The following FBLN7 variants were observed in gnomAD, a reference collection of about 807,000 sequenced individuals.
FBLN7 encodes fibulin 7.
A neutral mutation model predicts 44.0 loss-of-function variants in FBLN7; 31 were observed. The observed-to-expected ratio is 0.70, with a 90% CI of 0.53 to 0.95. The LOEUF (loss-of-function observed/expected upper bound fraction) is 0.95. Among genes scored for constraint, FBLN7 ranks in the 40% least tolerant of loss-of-function variants. The pLI is 0.00. For synonymous variants in FBLN7, 262 were observed against 253.4 expected (o/e 1.03, Z -0.32); for missense variants, 573 against 618.5 (o/e 0.93, Z 0.78).
chr2:112,146,023 A>G (rs1051267611), intron 1 of FBLN7, among the ~76,000 whole-genome samples: 24 of 152,240 alleles, frequency 1.6e-4, no homozygotes, highest in Non-Finnish European at 5.9e-5. Context: ...GTCTATGCCT[A>G]TAAGAAATTC....
Position 112,159,802 on chromosome 2 carries a change from T to C in FBLN7, c.202T>C (p.Ser68Pro), listed in dbSNP as rs1193641240. The C allele has an allele frequency of 3.2e-6, 5 of 1,583,620 alleles. No individual in the cohort carries two copies. The highest frequency in any genetic ancestry group is 1.7e-6 in the Non-Finnish European group (2 of 1,166,226). The change falls in exon 2 of 8, where the codon TCT becomes CCT. Residue 68 changes from serine (S) to proline (P), a missense_variant. Transcript: ENST00000331203. Reference sequence around the variant, plus strand: ...GAGCCGGCTGGCCGCGCTGCAGAACTCTGTGGGCAGGGTGGGCCCAGATGC... The same window carrying C: ...GAGCCGGCTGGCCGCGCTGCAGAACCCTGTGGGCAGGGTGGGCCCAGATGC... ...MKSRLAALQN[S>P]VGRVGPDALP...
At chr2:112,181,945 A>G in intron 5 of FBLN7, 69 bp downstream of exon 5, 1 of 1,477,850 alleles carries the variant, frequency 6.8e-7, no homozygotes, top group East Asian at 2.7e-5. Context: ...AGGGGCTCTC[A>G]CCCACCGCCC....
At chr2:112,198,174 T>C in the FBLN7 span, among the ~76,000 whole-genome samples, 1 of 152,218 alleles carries the variant, frequency 6.6e-6, no homozygotes, top group African/African-American at 2.4e-5. Flanking sequence ...CAGCAGCTGA[T>C]TCGGCTCTTA....
chr2:112,207,130 A>G, the FBLN7 span, among the ~76,000 whole-genome samples: 1 of 152,172 alleles, frequency 6.6e-6, no homozygotes, highest in African/African-American at 2.4e-5. Context: ...TTATGACCCA[A>G]GATATGGTTT....
At chr2:112,231,897 C>T in the FBLN7 span, 2 of 1,589,984 alleles carry the variant, frequency 1.3e-6, no homozygotes, top group Non-Finnish European at 1.7e-6. Flanking sequence ...TTGCAGTATT[C>T]TCCCTGATAA....
At chr2:112,242,546 T>C in the FBLN7 span, among the ~76,000 whole-genome samples, 1 of 152,198 alleles carries the variant, frequency 6.6e-6, no homozygotes, top group African/African-American at 2.4e-5. Context: ...CAGAGCATAC[T>C]TACCACATCA....
chr2:112,192,038 C>T (rs558523839), downstream of FBLN7, among the ~76,000 whole-genome samples: 1 of 152,218 alleles, frequency 6.6e-6, no homozygotes, highest in African/African-American at 2.4e-5. Flanking sequence ...TTCCTGGACC[C>T]TTCTATTTTG....
chr2:112,203,836 T>A, the FBLN7 span, among the ~76,000 whole-genome samples: 2 of 152,140 alleles, frequency 1.3e-5, no homozygotes, highest in Non-Finnish European at 2.9e-5. Flanking sequence ...CAAAAACCCC[T>A]GATAAAACCA....
chr2:112,181,922 C>A, intron 5 of FBLN7, 46 bp downstream of exon 5: 1 of 1,516,582 alleles, frequency 6.6e-7, no homozygotes, highest in East Asian at 2.5e-5. Context: ...ACGGGGAGGA[C>A]ATGGGGCGGG....
chr2:112,218,208 G>A, the FBLN7 span, among the ~76,000 whole-genome samples: 1 of 152,184 alleles, frequency 6.6e-6, no homozygotes, highest in Admixed American at 6.5e-5. Flanking sequence ...TGAAAAGACT[G>A]TATATGAGGT....
intron 1 of FBLN7, among the ~76,000 whole-genome samples, chr2:112,156,664 G>A (rs1261058925): frequency 1.3e-5 from 2 of 152,338 alleles, no homozygotes; most frequent in African/African-American, 4.8e-5. Flanking sequence ...CAACGTGGGA[G>A]GAGGAAGGAA....
In FBLN7 at chr2:112,184,074, G is replaced by A. The variant is rs1299481872; in HGVS notation, c.809-1127G>A. 2.6e-5 allele frequency among the ~76,000 whole-genome samples: 4 copies of A among 152,294 alleles called. No homozygotes were observed. The East Asian group carries it at 7.7e-4, about 29-fold the overall frequency. Reference sequence around the variant, plus strand: ...CACATCTCAGGCCTGAAGCCCAAGTGGGATCATCCTGACCCTTGGCCCTTA... The same window carrying A: ...CACATCTCAGGCCTGAAGCCCAAGTAGGATCATCCTGACCCTTGGCCCTTA... On this transcript the variant is annotated intron_variant, in intron 6 of 7. Transcript: ENST00000331203.
the FBLN7 span, among the ~76,000 whole-genome samples, chr2:112,201,323 A>T: frequency 6.6e-6 from 1 of 152,238 alleles, no homozygotes; most frequent in African/African-American, 2.4e-5. Context: ...TGCAGCTCCC[A>T]CACCACAGCC....
chr2:112,169,986 A>G (rs1682367288), intron 3 of FBLN7, among the ~76,000 whole-genome samples: 1 of 152,182 alleles, frequency 6.6e-6, no homozygotes, highest in Non-Finnish European at 1.5e-5. Context: ...CATGCCTGTA[A>G]TCCTAGCACT....
At chr2:112,235,848 G>A in the FBLN7 span, among the ~76,000 whole-genome samples, 4 of 149,976 alleles carry the variant, frequency 2.7e-5, no homozygotes, top group African/African-American at 7.4e-5. Context: ...TAAAAAATTT[G>A]TAAGACTCAG....
At chr2:112,204,137 C>T in the FBLN7 span, among the ~76,000 whole-genome samples, 1 of 151,146 alleles carries the variant, frequency 6.6e-6, no homozygotes, top group African/African-American at 2.4e-5. Context: ...TTTAAAAAAA[C>T]AAATAGAAAT....
At chr2:112,191,655 CAATTCT>C (rs1683495904), downstream of FBLN7, among the ~76,000 whole-genome samples, 2 of 151,972 alleles carry the variant, frequency 1.3e-5, no homozygotes, top group African/African-American at 4.8e-5. Context: ...TTTTTTTCTT[CAATTCT>C]TTGTGTCCTC....
intron 1 of FBLN7, among the ~76,000 whole-genome samples, chr2:112,148,642 G>A (rs766247375): frequency 2.1e-4 from 32 of 152,224 alleles, no homozygotes; most frequent in Non-Finnish European, 1.2e-4. Context: ...TCGTTTGTCT[G>A]TAGTCAGCTG....
chr2:112,205,555 T>C, the FBLN7 span, among the ~76,000 whole-genome samples: 1 of 151,782 alleles, frequency 6.6e-6, no homozygotes, highest in Admixed American at 6.6e-5. Context: ...AAATGGCAAA[T>C]TTAAGTCTTG....
Sources: allele counts gnomAD v4.1 joint callset (sites outside exome capture counted in the v4.1 genomes callset), GRCh38; gene constraint gnomAD v4.1.1; transcripts MANE v1.5; gene names NCBI Gene and HGNC (gene_info 2026-07-23, HGNC 2026-07-21).